Variants in EVI5 observed in about 807,000 individuals in gnomAD.
The protein encoded by EVI5 is ecotropic viral integration site 5 protein homolog.
Under a neutral mutation model 112.0 loss-of-function variants are expected in EVI5, and 73 were observed. The ratio of observed to expected loss-of-function variants is 0.65; its 90% CI spans 0.54 to 0.79. The LOEUF (loss-of-function observed/expected upper bound fraction) is 0.79, where lower values mean the gene tolerates loss of function less well. Among genes scored for constraint, EVI5 ranks in the 30% least tolerant of loss-of-function variants. EVI5 has a pLI of 0.00. For missense variants in EVI5, 900 were observed against 968.8 expected, an observed-to-expected ratio of 0.93 and a Z score of 0.94; for synonymous variants, 305 against 319.9, an observed-to-expected ratio of 0.95 and a Z score of 0.50.
intron 2 of EVI5, among the ~76,000 whole-genome samples, chr1:92,730,275 T>C (rs191492610): frequency 1.3e-5 from 2 of 152,158 alleles, no homozygotes; most frequent in Admixed American, 6.6e-5. Flanking sequence ...GGAGAATCAC[T>C]TGAGCCCAGG....
intron 1 of EVI5, among the ~76,000 whole-genome samples, chr1:92,755,395 A>G (rs576056905): frequency 6.6e-6 from 1 of 152,210 alleles, no homozygotes; most frequent in African/African-American, 2.4e-5. Context: ...TGGGCGACAC[A>G]GCAAGATTCC....
chr1:92,780,333 C>G (rs1458844824), intron 1 of EVI5, among the ~76,000 whole-genome samples: 1 of 152,184 alleles, frequency 6.6e-6, no homozygotes, highest in African/African-American at 2.4e-5. Context: ...TGAGAACAGA[C>G]TAATACACCT....
intron 9 of EVI5, among the ~76,000 whole-genome samples, chr1:92,690,518 CT>C (rs767459681): frequency 7.4e-5 from 11 of 147,808 alleles, no homozygotes; most frequent in South Asian, 4.3e-4. Context: ...AATTTTTGGT[CT>C]TTTTTTTTTC....
Position 92,695,372 on chromosome 1 carries a change from T to C in EVI5, c.847A>G (p.Ile283Val), listed in dbSNP as rs770287792. Residue 283 changes from isoleucine (I) to valine (V), a missense_variant, in exon 7 of 20, where the codon ATC becomes GTC. Coordinates refer to ENST00000684568, the MANE Select transcript of EVI5 (RefSeq NM_001350197.2). ...SMYASSWFLT[I>V]FLTTFPLPIA... Reference sequence around the variant, plus strand: ...GGTAGTGGAAAAGTTGTAAGAAAGATAGTCAGAAACCAGGATGATGCATAC... The same window carrying C: ...GGTAGTGGAAAAGTTGTAAGAAAGACAGTCAGAAACCAGGATGATGCATAC... 27 of 1,608,334 alleles carry C rather than the reference T, an allele frequency of 1.7e-5. No homozygotes were observed. The highest frequency in any genetic ancestry group is 1.6e-4 in the Middle Eastern group (1 of 6,070).
intron 5 of EVI5, among the ~76,000 whole-genome samples, chr1:92,700,466 C>A (rs944291036): frequency 1.3e-5 from 2 of 152,126 alleles, no homozygotes; most frequent in Admixed American, 6.5e-5. Context: ...CCATAAGTGA[C>A]TACTGTTCTT....
chr1:92,632,716 T>C (rs7526012), intron 14 of EVI5, among the ~76,000 whole-genome samples: 140,130 of 152,086 alleles, frequency 0.92, 64,648 homozygotes, highest in East Asian at 0.97. Context: ...CTTCTGCTAG[T>C]TTTTGAATGT....
rs536609840 is a variant in EVI5, at chr1:92,564,506, AT to A, written c.2071-770del. Reference sequence around the variant, plus strand: ...GACAACTTTGAGTCTCCTCTGGTTAATTAGCTCTCGATGTGGACTGGAAGTC... The same window carrying A: ...GACAACTTTGAGTCTCCTCTGGTTAATAGCTCTCGATGTGGACTGGAAGTC... On this transcript the variant is annotated intron_variant, in intron 18 of 19. Coordinates refer to ENST00000684568, the MANE Select transcript of EVI5 (RefSeq NM_001350197.2). Among the ~76,000 whole-genome samples the A allele has an allele frequency of 2.0e-3, 307 of 152,242 alleles. 1 individual carries two copies. The highest frequency in any genetic ancestry group is 3.5e-3 in the Admixed American group (54 of 15,280).
chr1:92,702,400 A>G (rs1671312447), intron 4 of EVI5, among the ~76,000 whole-genome samples, 185 bp from the exon 5 acceptor site: 1 of 151,764 alleles, frequency 6.6e-6, no homozygotes, highest in African/African-American at 2.4e-5. Flanking sequence ...ATGAAATTTT[A>G]TTTTGACAAT....
intron 11 of EVI5, 103 bp downstream of exon 11, chr1:92,665,836 C>A: frequency 1.3e-6 from 1 of 741,180 alleles, no homozygotes; most frequent in Admixed American, 2.7e-5. Flanking sequence ...GTCAATACTA[C>A]AACATAGGAG....
chr1:92,665,048 T>C (rs1024060226), intron 11 of EVI5, among the ~76,000 whole-genome samples: 9 of 151,970 alleles, frequency 5.9e-5, no homozygotes, highest in African/African-American at 2.2e-4. Flanking sequence ...CTACCAAAAA[T>C]ACAAAAATTA....
chr1:92,583,372 A>G (rs1401013856), intron 18 of EVI5, among the ~76,000 whole-genome samples: 1 of 151,782 alleles, frequency 6.6e-6, no homozygotes, highest in African/African-American at 2.4e-5. Context: ...TTAGCTGGGC[A>G]TGGTGGCACG....
chr1:92,718,554 G>A (rs964904209), intron 2 of EVI5, among the ~76,000 whole-genome samples: 11 of 152,292 alleles, frequency 7.2e-5, no homozygotes, highest in African/African-American at 1.7e-4. Flanking sequence ...TGTGTAGAGG[G>A]AAATTTATAG....
At chr1:92,719,246 A>G (rs949784112) in intron 2 of EVI5, among the ~76,000 whole-genome samples, 1 of 152,042 alleles carries the variant, frequency 6.6e-6, no homozygotes, top group Non-Finnish European at 1.5e-5. Context: ...CGATGAAAAA[A>G]AGAGAATTTT....
chr1:92,784,625 A>AGGGCTGC (rs67055146), intron 1 of EVI5: 6,022 of 300,764 alleles, frequency 0.02, 114 homozygotes, highest in Middle Eastern at 0.033. Context: ...CACGAGAAGG[A>AGGGCTGC]GGGCTGCGGG....
intron 1 of EVI5, chr1:92,784,177 G>T: frequency 2.7e-6 from 1 of 365,040 alleles, no homozygotes; most frequent in Non-Finnish European, 3.8e-6. Flanking sequence ...AAGCCCCAAA[G>T]ACAGACAGAC....
At chr1:92,588,661 A>G (rs989993484) in intron 18 of EVI5, among the ~76,000 whole-genome samples, 2 of 152,240 alleles carry the variant, frequency 1.3e-5, no homozygotes, top group African/African-American at 4.8e-5. Context: ...CAATGAGGAA[A>G]GGGATTTTTG....
intron 16 of EVI5, among the ~76,000 whole-genome samples, chr1:92,611,800 T>C (rs1417694375): frequency 2.3e-4 from 35 of 151,354 alleles, no homozygotes; most frequent in Admixed American, 2.3e-3. Context: ...TCCCAGCTAC[T>C]TGGGAGGCTG....
At chr1:92,770,902 G>A (rs984423286) in intron 1 of EVI5, among the ~76,000 whole-genome samples, 7 of 150,948 alleles carry the variant, frequency 4.6e-5, no homozygotes, top group Admixed American at 2.0e-4. Context: ...TGCAACCTCC[G>A]CCTCCTGGGT....
intron 13 of EVI5, among the ~76,000 whole-genome samples, chr1:92,640,695 GA>G (rs1399367027): frequency 1.3e-5 from 2 of 152,098 alleles, no homozygotes; most frequent in African/African-American, 4.8e-5. Context: ...TCTAGAACCA[GA>G]AATACCATTT....
Sources: gnomAD v4.1 joint callset for allele counts (sites outside exome capture counted in the v4.1 genomes callset) on GRCh38, gnomAD v4.1.1 for gene constraint, MANE v1.5 for transcripts, NCBI Gene and HGNC (gene_info 2026-07-23, HGNC 2026-07-21) for gene names.